The following SNTG1 variants were observed in gnomAD, a reference collection of about 807,000 sequenced individuals.
The protein encoded by SNTG1 is syntrophin gamma 1.
SNTG1 carries 39 observed loss-of-function variants against 74.7 expected under a neutral mutation model. The observed-to-expected ratio is 0.52, with a 90% confidence interval of 0.40 to 0.68. The LOEUF (loss-of-function observed/expected upper bound fraction) is 0.68, where lower values mean the gene tolerates loss of function less well. SNTG1 is among the 30% of genes least tolerant of loss of function. SNTG1 has a pLI of 0.00. For missense variants in SNTG1, 685 were observed against 609.5 expected (o/e 1.12, Z -1.30); for synonymous variants, 254 against 217.1 (o/e 1.17, Z -1.49).
intron 17 of SNTG1, chr8:50,709,183 A>G: frequency 1.8e-6 from 1 of 542,936 alleles, no homozygotes; most frequent in South Asian, 2.8e-5. Flanking sequence ...CCACAAAACT[A>G]TAACTATGTG....
chr8:50,062,143 A>C (rs1303398578), intron 1 of SNTG1, among the ~76,000 whole-genome samples: 1 of 152,174 alleles, frequency 6.6e-6, no homozygotes, highest in African/African-American at 2.4e-5. Flanking sequence ...TCCTGGGTTC[A>C]AGCGATTCTC....
intron 4 of SNTG1, among the ~76,000 whole-genome samples, chr8:50,408,549 A>G (rs974543102): frequency 1.3e-5 from 2 of 152,284 alleles, no homozygotes; most frequent in East Asian, 3.9e-4. Context: ...GCACCAAGGC[A>G]GGAGAGGGTG....
At chr8:50,428,035 G>A (rs1587590218) in intron 4 of SNTG1, among the ~76,000 whole-genome samples, 1 of 152,212 alleles carries the variant, frequency 6.6e-6, no homozygotes. Flanking sequence ...TAGGAGACAG[G>A]AAGAGGTGCA....
chr8:50,581,322 G>T (rs2130819797), intron 12 of SNTG1, among the ~76,000 whole-genome samples: 1 of 152,160 alleles, frequency 6.6e-6, no homozygotes, highest in Admixed American at 6.5e-5. Context: ...CTACTGAGAA[G>T]GTTATATTTA....
intron 9 of SNTG1, among the ~76,000 whole-genome samples, chr8:50,511,921 G>T (rs936159925): frequency 3.9e-5 from 6 of 152,038 alleles, no homozygotes. Flanking sequence ...TTACATTTAA[G>T]GTTAATATTG....
At chr8:50,041,221 A>G (rs1818615356) in intron 1 of SNTG1, among the ~76,000 whole-genome samples, 1 of 152,114 alleles carries the variant, frequency 6.6e-6, no homozygotes, top group Non-Finnish European at 1.5e-5. Context: ...TTAAAATAAA[A>G]TAGTATTATT....
At chr8:50,580,336 T>C (rs1160482406) in intron 12 of SNTG1, among the ~76,000 whole-genome samples, 1 of 152,176 alleles carries the variant, frequency 6.6e-6, no homozygotes, top group African/African-American at 2.4e-5. Context: ...ACTTGCCTTG[T>C]CTCAGATGAA....
intron 15 of SNTG1, among the ~76,000 whole-genome samples, chr8:50,690,714 T>C (rs1043889868): frequency 2.6e-5 from 4 of 152,198 alleles, no homozygotes; most frequent in Non-Finnish European, 5.9e-5. Flanking sequence ...CTGAAAAGAA[T>C]GTATATTCTG....
At chr8:50,186,608 A>G (rs932187840) in intron 2 of SNTG1, among the ~76,000 whole-genome samples, 4 of 152,090 alleles carry the variant, frequency 2.6e-5, no homozygotes, top group Non-Finnish European at 4.4e-5. Flanking sequence ...TTTGATTTAC[A>G]TGTCTCTAAT....
chr8:49,974,811 C>T (rs1216490995), intron 1 of SNTG1, among the ~76,000 whole-genome samples: 1 of 152,144 alleles, frequency 6.6e-6, no homozygotes, highest in Non-Finnish European at 1.5e-5. Flanking sequence ...CTGCAAACTA[C>T]AGTGCCACAT....
chr8:50,109,190 A>G (rs1586312556), intron 1 of SNTG1, among the ~76,000 whole-genome samples: 2 of 152,264 alleles, frequency 1.3e-5, no homozygotes, highest in Admixed American at 6.6e-5. Flanking sequence ...CAAAAGAAAG[A>G]TCTCTCCCTT....
intron 17 of SNTG1, among the ~76,000 whole-genome samples, chr8:50,713,628 G>T (rs181030231): frequency 6.6e-6 from 1 of 152,094 alleles, no homozygotes; most frequent in Non-Finnish European, 1.5e-5. Context: ...GAGTTTTTAT[G>T]GTTTTCAGTC....
At chr8:50,640,915 C>T (rs1186022271) in intron 13 of SNTG1, among the ~76,000 whole-genome samples, 2 of 152,146 alleles carry the variant, frequency 1.3e-5, no homozygotes, top group African/African-American at 4.8e-5. Flanking sequence ...ACTTCAATTT[C>T]CTAATCCATC....
At chr8:50,094,480 C>T (rs957345065) in intron 1 of SNTG1, among the ~76,000 whole-genome samples, 1 of 151,818 alleles carries the variant, frequency 6.6e-6, no homozygotes, top group Non-Finnish European at 1.5e-5. Flanking sequence ...CTAAAGAAAT[C>T]AACAAGCAAA....
chr8:50,616,467 G>A (rs767143529), intron 13 of SNTG1, among the ~76,000 whole-genome samples: 4 of 152,170 alleles, frequency 2.6e-5, no homozygotes, highest in Non-Finnish European at 5.9e-5. Context: ...GCAAGAACAG[G>A]ATTCAGCTGC....
At chr8:50,206,158 C>A (rs1403525411) in intron 2 of SNTG1, among the ~76,000 whole-genome samples, 1 of 152,116 alleles carries the variant, frequency 6.6e-6, no homozygotes, top group Non-Finnish European at 1.5e-5. Flanking sequence ...TTACCTTGGG[C>A]AGTATGGCCA....
chr8:50,075,744 G>A (rs1031428107), intron 1 of SNTG1, among the ~76,000 whole-genome samples: 1 of 152,070 alleles, frequency 6.6e-6, no homozygotes, highest in Non-Finnish European at 1.5e-5. Flanking sequence ...TTTCTCCTGA[G>A]GCCAGCAAGA....
intron 17 of SNTG1, among the ~76,000 whole-genome samples, chr8:50,740,389 T>G (rs911574390): frequency 6.8e-6 from 1 of 147,626 alleles, no homozygotes; most frequent in Non-Finnish European, 1.5e-5. Context: ...TCAACATCAC[T>G]GATTATTAGA....
intron 13 of SNTG1, among the ~76,000 whole-genome samples, chr8:50,652,177 A>G (rs1256621808): frequency 6.6e-6 from 1 of 152,150 alleles, no homozygotes; most frequent in Non-Finnish European, 1.5e-5. Flanking sequence ...AGGACACCAC[A>G]TGTCATTTGA....
Sources: gnomAD v4.1 joint callset for allele counts (sites outside exome capture counted in the v4.1 genomes callset) on GRCh38, gnomAD v4.1.1 for gene constraint, MANE v1.5 for transcripts, NCBI Gene and HGNC (gene_info 2026-07-23, HGNC 2026-07-21) for gene names.